The following ADGRD1 variants were observed in gnomAD, a reference collection of about 807,000 sequenced individuals.
The protein encoded by ADGRD1 is adhesion G protein-coupled receptor D1.
In ADGRD1, 77 loss-of-function variants were observed where a neutral mutation model predicts 113.4. That is an observed-to-expected ratio of 0.68 (90% CI 0.57 to 0.82). The LOEUF (loss-of-function observed/expected upper bound fraction) is 0.82. Ranked by LOEUF, ADGRD1 falls within the 40% of genes least tolerant of loss-of-function variation. The pLI is 0.00. For synonymous variants in ADGRD1, 474 were observed against 475.0 expected, an observed-to-expected ratio of 1.00 and a Z score of 0.03; for missense variants, 1,036 against 1,139.1, an observed-to-expected ratio of 0.91 and a Z score of 1.30.
At chr12:131,094,869 T>C (rs116111756) in intron 15 of ADGRD1, among the ~76,000 whole-genome samples, 1,729 of 152,322 alleles carry the variant, frequency 0.011, 26 homozygotes, top group African/African-American at 0.04. Context: ...TGTCCTGGGC[T>C]GCTGAGAGCT....
At position 131,066,733 on chromosome 12, in the gene ADGRD1, C is replaced by T. The variant is rs186455734; in HGVS notation, c.1474-10068C>T. Among the ~76,000 whole-genome samples, 13 of 152,218 alleles carry T rather than the reference C, an allele frequency of 8.5e-5. No homozygotes were observed. The East Asian group carries it at 2.3e-3, about 27-fold the overall frequency. Reference sequence around the variant, plus strand: ...GGGAGGCCTGCTGGCAGGAGGCTGCCCTGAGGAGTGGCCACGTGGATGGGG... The same window carrying T: ...GGGAGGCCTGCTGGCAGGAGGCTGCTCTGAGGAGTGGCCACGTGGATGGGG... On this transcript the variant is annotated intron_variant, in intron 13 of 24. Coordinates refer to ENST00000261654, the MANE Select transcript of ADGRD1 (RefSeq NM_198827.5).
At chr12:131,036,541 G>T (rs1468281886) in intron 13 of ADGRD1, among the ~76,000 whole-genome samples, 1 of 66,380 alleles carries the variant, frequency 1.5e-5, no homozygotes, top group African/African-American at 6.1e-5. Context: ...GGCCTCACTT[G>T]CTACACTGGG....
intron 15 of ADGRD1, among the ~76,000 whole-genome samples, chr12:131,100,551 T>C (rs1950045260): frequency 6.6e-6 from 1 of 151,878 alleles, no homozygotes; most frequent in Admixed American, 6.6e-5. Context: ...GCTTGGTTAA[T>C]GGTAAGGTTG....
intron 6 of ADGRD1, chr12:130,988,670 G>C (rs71468460): frequency 0.09 from 13,689 of 152,332 alleles, 802 homozygotes; most frequent in Middle Eastern, 0.15. Flanking sequence ...CTCTGCGTTT[G>C]ACCCTGCCCT....
At chr12:131,052,935 G>C (rs968743130) in intron 13 of ADGRD1, among the ~76,000 whole-genome samples, 1 of 152,182 alleles carries the variant, frequency 6.6e-6, no homozygotes, top group South Asian at 2.1e-4. Context: ...GACACTGTCT[G>C]CCAGGTGCAT....
chr12:131,045,528 T>G (rs1405424373), intron 13 of ADGRD1, among the ~76,000 whole-genome samples: 1 of 121,524 alleles, frequency 8.2e-6, no homozygotes, highest in Admixed American at 8.3e-5. Flanking sequence ...CCCGCCTCCC[T>G]GCCCGGGCAC....
At chr12:130,968,010 G>A (rs1871205081) in intron 3 of ADGRD1, 1 of 152,200 alleles carries the variant, frequency 6.6e-6, no homozygotes, top group African/African-American at 2.4e-5. Context: ...CATGGAAAGG[G>A]GGTCATTTCA....
chr12:131,101,382 T>TTTTTTTTTTTTTTTTTTTTTTTCTTTTC (rs1950080487), intron 15 of ADGRD1, among the ~76,000 whole-genome samples: 1 of 108,628 alleles, frequency 9.2e-6, no homozygotes, highest in Non-Finnish European at 1.9e-5. Context: ...TCTTTCTTTT[T>TTTTTTTTTTTTTTTTTTTTTTTCTTTTC]TTTTTTTTTT....
intron 20 of ADGRD1, among the ~76,000 whole-genome samples, chr12:131,127,655 T>G: frequency 6.9e-6 from 1 of 145,322 alleles, no homozygotes. Flanking sequence ...TTGGGTTGGT[T>G]GTTATGGGAC....
chr12:131,077,478 C>T (rs141742939), intron 14 of ADGRD1, among the ~76,000 whole-genome samples: 1 of 152,314 alleles, frequency 6.6e-6, no homozygotes, highest in Non-Finnish European at 1.5e-5. Context: ...CTCCACGGCT[C>T]ACCTGCCCAA....
intron 13 of ADGRD1, among the ~76,000 whole-genome samples, chr12:131,036,426 T>TACTGCTCCAGGTCTCACTC (rs1881392665): frequency 6.8e-6 from 1 of 147,920 alleles, no homozygotes; most frequent in Non-Finnish European, 1.5e-5. Flanking sequence ...CATCAGGTCT[T>TACTGCTCCAGGTCTCACTC]ACTGCTCCAG....
chr12:131,121,047 C>T (rs1466399707), intron 20 of ADGRD1, 134 bp downstream of exon 20: 24 of 736,762 alleles, frequency 3.3e-5, no homozygotes, highest in African/African-American at 2.3e-4. Flanking sequence ...GGTCACTCCT[C>T]GCTAGGGCTC....
chr12:131,051,816 T>C (rs1883424948), intron 13 of ADGRD1, among the ~76,000 whole-genome samples: 2 of 152,244 alleles, frequency 1.3e-5, no homozygotes, highest in Non-Finnish European at 2.9e-5. Flanking sequence ...TTTCTTAGCA[T>C]TTCTCTACCA....
chr12:131,062,631 C>T (rs902301615), intron 13 of ADGRD1, among the ~76,000 whole-genome samples: 16 of 152,044 alleles, frequency 1.1e-4, no homozygotes, highest in Non-Finnish European at 2.2e-4. Flanking sequence ...AGTTGCCCTG[C>T]GAAAGCTCTC....
At chr12:131,092,608 G>A (rs1208467100) in intron 15 of ADGRD1, among the ~76,000 whole-genome samples, 1 of 152,170 alleles carries the variant, frequency 6.6e-6, no homozygotes, top group Non-Finnish European at 1.5e-5. Flanking sequence ...AAGCGTCCCA[G>A]GCATGGGCAC....
intron 19 of ADGRD1, among the ~76,000 whole-genome samples, chr12:131,118,807 G>C (rs894263969): frequency 1.3e-5 from 2 of 152,188 alleles, no homozygotes; most frequent in Non-Finnish European, 2.9e-5. Context: ...CCCTTTCTTG[G>C]GGTGGCCAGC....
At chr12:131,107,252 A>C (rs1256841652) in intron 17 of ADGRD1, among the ~76,000 whole-genome samples, 1 of 147,572 alleles carries the variant, frequency 6.8e-6, no homozygotes, top group Non-Finnish European at 1.5e-5. Flanking sequence ...AATCCCAGGG[A>C]AGGGCTCTGA....
intron 13 of ADGRD1, among the ~76,000 whole-genome samples, chr12:131,063,978 GT>G (rs1884529825): frequency 6.6e-6 from 1 of 152,214 alleles, no homozygotes; most frequent in Non-Finnish European, 1.5e-5. Context: ...GTATTTTGTA[GT>G]TTTTGGCATA....
At chr12:131,122,463 C>T (rs970031686) in intron 20 of ADGRD1, among the ~76,000 whole-genome samples, 44 of 152,220 alleles carry the variant, frequency 2.9e-4, no homozygotes, top group Non-Finnish European at 2.6e-4. Flanking sequence ...CGACTCTACC[C>T]TTTAAAGAGT....
Sources: gnomAD v4.1 joint callset for allele counts (sites outside exome capture counted in the v4.1 genomes callset) on GRCh38, gnomAD v4.1.1 for gene constraint, MANE v1.5 for transcripts, NCBI Gene and HGNC (gene_info 2026-07-23, HGNC 2026-07-21) for gene names.